KCTD1: variants seen among roughly 807,000 people sequenced by gnomAD.
KCTD1 encodes the protein potassium channel tetramerization domain containing 1.
KCTD1 carries 24 observed loss-of-function variants against 66.0 expected under a neutral mutation model. The observed-to-expected ratio is 0.36, with a 90% CI of 0.26 to 0.51. The LOEUF (loss-of-function observed/expected upper bound fraction) is 0.51. KCTD1 is among the 20% of genes least tolerant of loss of function. The pLI, the probability that KCTD1 is intolerant of heterozygous loss-of-function variation, is 0.95. For synonymous variants in KCTD1, 511 were observed against 517.2 expected (o/e 0.99, Z 0.16); for missense variants, 943 against 1,205.2 (o/e 0.78, Z 3.22).
rs533871888 is a variant in KCTD1, at chr18:26,547,898, G to A, written c.639C>T (p.Ala213=). ...GCTGGCCGCTTTTGGAGCGGGCCTCGGCATAGAAGGAGCGCAGCACGCGGC... is the reference window on the plus strand; with the variant it reads ...GCTGGCCGCTTTTGGAGCGGGCCTCAGCATAGAAGGAGCGCAGCACGCGGC... ...ALCRVLRSFY[A]EARSKSGQLY... is the part of the protein sequence containing the mutation. Residue 213 remains alanine (A), a synonymous_variant, in exon 1 of 5, where the codon GCC becomes GCT. Coordinates refer to ENST00000580059, the MANE Select transcript of KCTD1 (RefSeq NM_001142730.3). The A allele has an allele frequency of 3.9e-4, 602 of 1,543,484 alleles. No homozygotes were observed. The highest frequency in any genetic ancestry group is 4.9e-4 in the Non-Finnish European group (564 of 1,146,848).
intron 3 of KCTD1, among the ~76,000 whole-genome samples, chr18:26,463,801 T>C (rs1324156992): frequency 6.6e-6 from 1 of 152,162 alleles, no homozygotes; most frequent in African/African-American, 2.4e-5. Context: ...CCTCCTGAAA[T>C]GCCGGGATTA....
upstream of KCTD1, among the ~76,000 whole-genome samples, chr18:26,629,635 C>T (rs528917390): frequency 3.6e-4 from 54 of 152,022 alleles, no homozygotes; most frequent in Admixed American, 9.2e-4. Flanking sequence ...GAAAAATGGA[C>T]GAGGCAAAGT....
intron 3 of KCTD1, among the ~76,000 whole-genome samples, chr18:26,474,469 C>T (rs1981236015): frequency 6.6e-6 from 1 of 152,206 alleles, no homozygotes; most frequent in South Asian, 2.1e-4. Context: ...TTCCCTAACA[C>T]TGTATATTAC....
At chr18:26,504,914 T>C (rs1982953462) in intron 1 of KCTD1, among the ~76,000 whole-genome samples, 1 of 152,176 alleles carries the variant, frequency 6.6e-6, no homozygotes, top group Admixed American at 6.5e-5. Flanking sequence ...GCAGCTGCCA[T>C]CTCCCTGCCA....
At chr18:26,478,050 A>C (rs1307209713) in intron 2 of KCTD1, among the ~76,000 whole-genome samples, 2 of 152,220 alleles carry the variant, frequency 1.3e-5, no homozygotes, top group African/African-American at 4.8e-5. Context: ...AAACTAAAAT[A>C]TGCTTAGTCA....
chr18:26,565,664 T>C (rs1205574050), intron 1 of KCTD1: 9 of 152,066 alleles, frequency 5.9e-5, no homozygotes. Flanking sequence ...TGTGTGGGAG[T>C]GAGCCATGCT....
rs531456925 is a variant in KCTD1, at chr18:26,627,418, A to G, written c.-16+1729T>C. Reference sequence around the variant, plus strand: ...GAAATATTAGATTGAACCATGTACAATTGTCATTCATTGTGGGGTCAAAAA... The same window carrying G: ...GAAATATTAGATTGAACCATGTACAGTTGTCATTCATTGTGGGGTCAAAAA... On this transcript the variant is annotated intron_variant, in intron 1 of 4. Coordinates refer to the KCTD1 transcript ENST00000317932. Among the ~76,000 whole-genome samples the G allele has an allele frequency of 2.0e-5, 3 of 152,258 alleles. No individual in the cohort carries two copies. The South Asian group carries it at 6.2e-4, about 32-fold the overall frequency.
intron 1 of KCTD1, chr18:26,591,668 TAC>T (rs1328349894): frequency 1.3e-5 from 2 of 152,352 alleles, no homozygotes; most frequent in East Asian, 3.9e-4. Context: ...ATACTGTACA[TAC>T]ACAGAGTAAG....
intron 1 of KCTD1, among the ~76,000 whole-genome samples, chr18:26,585,840 C>T (rs756333425): frequency 2.6e-5 from 4 of 152,078 alleles, no homozygotes; most frequent in Non-Finnish European, 5.9e-5. Context: ...TTAAAAAGTA[C>T]AGGTATGCTT....
At chr18:26,549,099 G>A (rs1239557756), upstream of KCTD1, 2 of 984,616 alleles carry the variant, frequency 2.0e-6, no homozygotes, top group African/African-American at 1.8e-5. Flanking sequence ...GGGCCGCCCG[G>A]AGCGGAGCGG....
intron 1 of KCTD1, among the ~76,000 whole-genome samples, chr18:26,648,938 A>G (rs1420340122): frequency 6.6e-6 from 1 of 152,256 alleles, no homozygotes; most frequent in African/African-American, 2.4e-5. Flanking sequence ...CTTGAAAAAC[A>G]GTCTGGCACT....
chr18:26,548,516 G>A lies in KCTD1; in HGVS notation c.21C>T (p.Ser7=). The A allele has an allele frequency of 3.3e-6, 4 of 1,200,328 alleles. No homozygotes were observed. Among genetic ancestry groups the A allele is most frequent in the Non-Finnish European group, 3.1e-6 (3 of 972,608 alleles). 74.4% of individuals were successfully genotyped at this position (1,200,328 alleles called of 1,614,324 possible). ...CGCCCGCGCTGGTGTTACAGTCCCC[G>A]CTGCCAGGCATTCTCGCCATATTGC... MARMPG[S]GDCNTSAGGS... is the part of the protein sequence containing the mutation. The change falls in exon 1 of 5, where the codon AGC becomes AGT. Residue 7 remains serine, a synonymous_variant. Coordinates refer to ENST00000580059, the MANE Select transcript of KCTD1 (RefSeq NM_001142730.3).
chr18:26,549,869 C>G, upstream of KCTD1: 4 of 919,838 alleles, frequency 4.3e-6, no homozygotes, highest in Non-Finnish European at 3.9e-6. Context: ...GCCCCACTTC[C>G]AGCCAAACGC....
At chr18:26,578,586 A>G (rs1042536808) in intron 1 of KCTD1, among the ~76,000 whole-genome samples, 7 of 152,136 alleles carry the variant, frequency 4.6e-5, no homozygotes, top group African/African-American at 1.7e-4. Flanking sequence ...AACTGAACCA[A>G]CCTTGGCCAT....
At chr18:26,549,561 T>C, upstream of KCTD1, 2 of 428,040 alleles carry the variant, frequency 4.7e-6, no homozygotes, top group Non-Finnish European at 6.1e-6. Context: ...GGCGCCGCCC[T>C]CCCTGCCCCT....
rs185750323 is a variant in KCTD1 at position 26,508,602 on chromosome 18, A to C, written c.1810-7352T>G. 3.2e-4 allele frequency among the ~76,000 whole-genome samples: 48 copies of C among 152,350 alleles called. No individual in the cohort carries two copies. The East Asian group carries it at 8.7e-3, about 28-fold the overall frequency. On this transcript the variant is annotated intron_variant, in intron 1 of 4. Transcript: ENST00000580059. Reference sequence around the variant, plus strand: ...TCCAGAAAAGCATGTCAGTGGTAAAATACCTATATCCTTTGACATTTTAAT... The same window carrying C: ...TCCAGAAAAGCATGTCAGTGGTAAACTACCTATATCCTTTGACATTTTAAT...
intron 1 of KCTD1, among the ~76,000 whole-genome samples, chr18:26,617,652 T>TA (rs1269456605): frequency 6.6e-6 from 1 of 152,194 alleles, no homozygotes; most frequent in Non-Finnish European, 1.5e-5. Flanking sequence ...TCCTATGTGG[T>TA]AGAGAATGGT....
chr18:26,566,521 G>T (rs1985984059), intron 1 of KCTD1: 1 of 152,240 alleles, frequency 6.6e-6, no homozygotes, highest in Non-Finnish European at 1.5e-5. Flanking sequence ...TCGCTGAGAA[G>T]ACAGCTCTAG....
chr18:26,603,310 T>C (rs768058585), intron 1 of KCTD1, among the ~76,000 whole-genome samples: 4 of 151,650 alleles, frequency 2.6e-5, no homozygotes, highest in Non-Finnish European at 4.4e-5. Flanking sequence ...TACACGCCTC[T>C]AGTCCCACGT....
Sources: gnomAD v4.1 joint callset for allele counts (sites outside exome capture counted in the v4.1 genomes callset) on GRCh38, gnomAD v4.1.1 for gene constraint, MANE v1.5 for transcripts, NCBI Gene and HGNC (gene_info 2026-07-23, HGNC 2026-07-21) for gene names.